CEL: variants seen among roughly 807,000 people sequenced by gnomAD.
CEL encodes the protein bile salt-activated lipase.
CEL carries 39 observed loss-of-function variants against 57.1 expected under a neutral mutation model. The ratio of observed to expected loss-of-function variants is 0.68; its 90% confidence interval spans 0.53 to 0.89. The LOEUF is 0.89. CEL is among the 40% of genes least tolerant of loss of function. The pLI, the probability that CEL is intolerant of heterozygous loss-of-function variation, is 0.00. For synonymous variants in CEL, 314 were observed against 396.6 expected (o/e 0.79, Z 2.48); for missense variants, 698 against 915.0 (o/e 0.76, Z 3.06).
chr9:133,071,698 G>T lies in CEL; in HGVS notation c.2196G>T (p.Glu732Asp), dbSNP rs780310748. 1.1e-5 allele frequency: 17 copies of T among 1,610,662 alleles called. No individual in the cohort carries two copies. In the South Asian group the frequency reaches 1.9e-4, roughly 18 times the overall value. The change falls in exon 11 of 11, where the codon GAG (glutamate) becomes GAT (aspartate). Residue 732 changes from glutamate (E) to aspartate (D), a missense_variant. Around this residue, in one of 6 missense-constraint regions of CEL, gnomAD observed 238 missense variants for 213.7 expected, o/e 1.11. Coordinates refer to ENST00000372080, the MANE Select transcript of CEL (RefSeq NM_001807.6). The part of the protein sequence containing the change: ...APPVPPTGDS[E>D]AAPVPPTDDS... ...CTGTGCCCCCCACGGGTGACTCTGA[G>T]GCTGCCCCTGTGCCCCCCACAGATG... is the stretch of plus-strand genomic sequence containing the variant.
At chr9:133,065,996 C>T (rs1306373917) in intron 4 of CEL, among the ~76,000 whole-genome samples, 5 of 152,090 alleles carry the variant, frequency 3.3e-5, no homozygotes, top group Non-Finnish European at 5.9e-5. Flanking sequence ...CCAGCCTGGG[C>T]GACAGAGTGA....
In CEL at chr9:133,065,137, C is replaced by A. The variant is rs200010111; in HGVS notation, c.438C>A (p.Asp146Glu). The change falls in exon 4 of 11, where the codon GAC becomes GAA. Residue 146 changes from aspartate (D) to glutamate (E), a missense_variant. Around this residue, in one of 6 missense-constraint regions of CEL, gnomAD observed 327 missense variants for 374.1 expected, o/e 0.87. Transcript: ENST00000372080. The stretch of plus-strand genomic sequence containing the variant: ...ACTTCCTCAACAACTACCTGTATGA[C>A]GGCGAGGAGATCGCCACACGCGGAA... ...GANFLNNYLY[D>E]GEEIATRGNV... 3 of 1,613,982 alleles carry A rather than the reference C, an allele frequency of 1.9e-6. No homozygotes were observed. The highest frequency in any genetic ancestry group is 2.5e-6 in the Non-Finnish European group (3 of 1,180,038).
rs775462755 is a variant in CEL, at chr9:133,071,547, C to T, written c.2045C>T (p.Pro682Leu). ...PTGDAGPPPVPPTGDSGAPPV... is the reference protein window; with the variant it reads ...PTGDAGPPPVLPTGDSGAPPV... ...GGTGACGCCGGGCCCCCCCCCGTGC[C>T]GCCCACGGGTGACTCCGGCGCCCCC... The change falls in exon 11 of 11, where the codon CCG becomes CTG. Residue 682 changes from proline to leucine, a missense_variant. By Grantham distance (98) the Pro-to-Leu change is moderately conservative. This residue lies in a region of CEL where 238 missense variants were observed against 213.7 expected (regional missense o/e 1.11). Transcript: ENST00000372080. 2.2e-5 allele frequency: 19 copies of T among 873,492 alleles called. 1 individual carries two copies. The highest frequency in any genetic ancestry group is 7.9e-5 in the South Asian group (5 of 63,128). The allele number at this position is 873,492 out of a possible 1,614,324, so 54.1% of individuals were successfully genotyped here.
rs1830265395 is a variant in CEL at position 133,071,318 on chromosome 9, C to A, written c.1816C>A (p.Pro606Thr). ...TGACTCCGGGGCCCCCCCCGTGCCGCCCACGGGTGACTCCGGGGCCCCCCC... is the reference window on the plus strand; with the variant it reads ...TGACTCCGGGGCCCCCCCCGTGCCGACCACGGGTGACTCCGGGGCCCCCCC... ...TGDSGAPPVP[P>T]TGDSGAPPVP... Residue 606 changes from proline (P) to threonine (T), a missense_variant, in exon 11 of 11, where the codon CCC becomes ACC. Pro to Thr is a conservative substitution (Grantham distance 38, BLOSUM62 -1). Transcript: ENST00000372080. The A allele has an allele frequency of 6.5e-6, 3 of 459,706 alleles. No individual in the cohort carries two copies. The highest frequency in any genetic ancestry group is 1.1e-5 in the Non-Finnish European group (3 of 268,040). The allele number at this position is 459,706 out of a possible 1,614,324, so 28.5% of individuals were successfully genotyped here.
In CEL at chr9:133,071,619, C is replaced by T. The variant is rs763759598; in HGVS notation, c.2117C>T (p.Thr706Met). 13 of 1,479,500 alleles carry T rather than the reference C, an allele frequency of 8.8e-6. 1 individual carries two copies. Among genetic ancestry groups the T allele is most frequent in the South Asian group, 1.2e-5 (1 of 85,352 alleles). 91.6% of individuals were successfully genotyped at this position (1,479,500 alleles called of 1,614,324 possible). The change falls in exon 11 of 11, where the codon ACG becomes ATG. Residue 706 changes from threonine (T) to methionine (M), a missense_variant. Around this residue, in one of 6 missense-constraint regions of CEL, gnomAD observed 238 missense variants for 213.7 expected, o/e 1.11. Coordinates refer to ENST00000372080, the MANE Select transcript of CEL (RefSeq NM_001807.6). The stretch of plus-strand genomic sequence containing the variant: ...TCCGGGGCCCCCCCCGTGACCCCCA[C>T]GGGTGACTCCGAGACCGCCCCCGTG... ...GDSGAPPVTP[T>M]GDSETAPVPP...
chr9:133,071,336 G>C lies in CEL; in HGVS notation c.1834G>C (p.Ala612Pro), dbSNP rs1322454680. The change falls in exon 11 of 11, where the codon GCC (alanine) becomes CCC (proline). Residue 612 changes from alanine (A) to proline (P), a missense_variant. Ala to Pro is a conservative substitution (Grantham distance 27). Coordinates refer to ENST00000372080, the MANE Select transcript of CEL (RefSeq NM_001807.6). Reference protein sequence around the residue: ...PPVPPTGDSGAPPVPPTGDSG... With the variant: ...PPVPPTGDSGPPPVPPTGDSG... ...CGTGCCGCCCACGGGTGACTCCGGG[G>C]CCCCCCCCGTGCCGCCCACGGGTGA... 729 of 349,150 alleles carry C rather than the reference G, an allele frequency of 2.1e-3. 1 individual carries two copies. The highest frequency in any genetic ancestry group is 2.9e-3 in the African/African-American group (27 of 9,460). 21.6% of individuals were successfully genotyped at this position (349,150 alleles called of 1,614,324 possible). A position where few individuals can be genotyped will look rare whatever the true frequency, so the allele number is the denominator to read the frequency against.
chr9:133,066,606 C>T lies in CEL; in HGVS notation c.615C>T (p.Pro205=). The T allele has an allele frequency of 2.5e-6, 4 of 1,613,922 alleles. No individual in the cohort carries two copies. Among genetic ancestry groups the T allele is most frequent in the Non-Finnish European group, 3.4e-6 (4 of 1,180,032 alleles). The part of the protein sequence containing the change: ...KRNIAAFGGD[P]NNITLFGESA... ...ATATCGCGGCCTTCGGGGGGGACCC[C>T]AACAACATCACGCTCTTCGGGGAGT... The change falls in exon 5 of 11, where the codon CCC becomes CCT. Residue 205 remains proline, a synonymous_variant. Coordinates refer to ENST00000372080, the MANE Select transcript of CEL (RefSeq NM_001807.6). This position sits in a 1 kb window ranked among gnomAD's most constrained non-coding sequence, Gnocchi z 4.3.
intron 1 of CEL, 84 bp downstream of exon 1, chr9:133,062,152 C>CAGCA (rs1830101434): frequency 7.3e-7 from 1 of 1,374,118 alleles, no homozygotes; most frequent in Admixed American, 2.2e-5. Flanking sequence ...AGAAAGAGCC[C>CAGCA]AGCACAGCCC....
In CEL at chr9:133,070,491, C is replaced by T. The variant is rs1214711936; in HGVS notation, c.1317C>T (p.Ser439=). The change falls in exon 10 of 11, where the codon TCC becomes TCT. Residue 439 remains serine (S), a synonymous_variant. Coordinates refer to ENST00000372080, the MANE Select transcript of CEL (RefSeq NM_001807.6). The part of the protein sequence containing the change: ...KSAKTYAYLF[S]HPSRMPVYPK... ...CCAAGACCTACGCCTACCTGTTTTC[C>T]CATCCCTCTCGGATGCCCGTCTACC... The T allele has an allele frequency of 6.2e-7, 1 of 1,613,744 alleles. No individual in the cohort carries two copies. The highest frequency in any genetic ancestry group is 8.5e-7 in the Non-Finnish European group (1 of 1,179,970).
chr9:133,064,692 C>A lies in CEL; in HGVS notation c.270C>A (p.Thr90=). Residue 90 remains threonine (T), a synonymous_variant, in exon 3 of 11, where the codon ACC becomes ACA. Coordinates refer to ENST00000372080, the MANE Select transcript of CEL (RefSeq NM_001807.6). ...FKKRCLQATI[T]QDSTYGDEDC... is the part of the protein sequence containing the mutation. ...AGAGATGCCTGCAGGCCACCATCACCCAGGACAGCACCTACGGGGATGAAG... is the reference window on the plus strand; with the variant it reads ...AGAGATGCCTGCAGGCCACCATCACACAGGACAGCACCTACGGGGATGAAG... The A allele has an allele frequency of 6.2e-7, 1 of 1,614,140 alleles. No individual in the cohort carries two copies.
chr9:133,064,099 G>A (rs546478364), intron 1 of CEL, among the ~76,000 whole-genome samples: 3 of 152,280 alleles, frequency 2.0e-5, no homozygotes, highest in South Asian at 2.1e-4. Context: ...AAAGCTGGGC[G>A]GCCATAGCCA....
At chr9:133,065,006 G>T in intron 3 of CEL, 34 bp from the exon 4 acceptor site, 1 of 1,588,996 alleles carries the variant, frequency 6.3e-7, no homozygotes, top group Non-Finnish European at 8.6e-7. Flanking sequence ...GCCAGGCGGG[G>T]CGTCTGGGGT....
At chr9:133,063,925 AC>A (rs1354950440) in intron 1 of CEL, among the ~76,000 whole-genome samples, 5 of 151,954 alleles carry the variant, frequency 3.3e-5, no homozygotes, top group Non-Finnish European at 7.4e-5. Context: ...AGCAGGCCCC[AC>A]CCCTCAGAAA....
intron 1 of CEL, among the ~76,000 whole-genome samples, chr9:133,063,768 C>A (rs1285171643): frequency 1.3e-5 from 2 of 151,812 alleles, no homozygotes; most frequent in African/African-American, 4.8e-5. Context: ...TTTCATGGCA[C>A]AGGGAAGCGT....
chr9:133,062,584 ACT>A (rs1276001849), intron 1 of CEL, among the ~76,000 whole-genome samples: 1 of 141,112 alleles, frequency 7.1e-6, no homozygotes, highest in Admixed American at 7.0e-5. Context: ...ACAGGGCGAG[ACT>A]CTGTCTCAAA....
chr9:133,067,158 C>T lies in CEL; in HGVS notation c.848C>T (p.Pro283Leu), dbSNP rs1830192461. The change falls in exon 7 of 11, where the codon CCC becomes CTC. Residue 283 changes from proline to leucine, a missense_variant. By Grantham distance (98) the Pro-to-Leu change is moderately conservative. Around this residue, in one of 6 missense-constraint regions of CEL, gnomAD observed 327 missense variants for 374.1 expected, o/e 0.87. Transcript: ENST00000372080. ...RMAQCLKVTD[P>L]RALTLAYKVP... is the part of the protein sequence containing the mutation. ...GCCCAGTGTCTGAAGGTTACTGATC[C>T]CCGAGCCCTGACGCTGGCCTATAAG... 1 of 1,613,990 alleles carries T rather than the reference C, an allele frequency of 6.2e-7. No homozygotes were observed. Among genetic ancestry groups the T allele is most frequent in the Non-Finnish European group, 8.5e-7 (1 of 1,179,982 alleles).
At position 133,066,327 on chromosome 9, in the gene CEL, C is replaced by T. The variant is rs529600321; in HGVS notation, c.539-203C>T. On this transcript the variant is annotated intron_variant, in intron 4 of 10. Coordinates refer to ENST00000372080, the MANE Select transcript of CEL (RefSeq NM_001807.6). This position sits in a 1 kb window ranked among gnomAD's most constrained non-coding sequence, Gnocchi z 4.3. ...GGGACCCACCCACTCCAGCAACCAA[C>T]GTGACCTAGTCTCCTGGGGACCCAC... is the stretch of plus-strand genomic sequence containing the variant. Among the ~76,000 whole-genome samples the T allele has an allele frequency of 2.6e-5, 4 of 151,838 alleles. No individual in the cohort carries two copies. Among genetic ancestry groups the T allele is most frequent in the Non-Finnish European group, 5.9e-5 (4 of 67,920 alleles).
Position 133,065,163 on chromosome 9 carries a change from A to G in CEL, c.464A>G (p.Asn155Ser), listed in dbSNP as rs764476938. ...GGCGAGGAGATCGCCACACGCGGAA[A>G]CGTCATCGTGGTCACCTTCAACTAC... ...YDGEEIATRG[N>S]VIVVTFNYRV... Residue 155 changes from asparagine to serine, a missense_variant, in exon 4 of 11, where the codon AAC (asparagine) becomes AGC (serine). Around this residue, in one of 6 missense-constraint regions of CEL, gnomAD observed 327 missense variants for 374.1 expected, o/e 0.87. Coordinates refer to ENST00000372080, the MANE Select transcript of CEL (RefSeq NM_001807.6). 6.2e-7 allele frequency: 1 copy of G among 1,613,614 alleles called. No individual in the cohort carries two copies. The highest frequency in any genetic ancestry group is 2.2e-5 in the East Asian group (1 of 44,894).
chr9:133,064,312 T>C, intron 1 of CEL, 92 bp from the exon 2 acceptor site: 1 of 1,567,496 alleles, frequency 6.4e-7, no homozygotes. Context: ...TGTCTTTGCC[T>C]CTGGGCACGC....
Sources: allele counts gnomAD v4.1 joint callset (sites outside exome capture counted in the v4.1 genomes callset), GRCh38; gene constraint gnomAD v4.1.1; regional missense constraint gnomAD v4.1.1; non-coding constraint Gnocchi (gnomAD v3.1); transcripts MANE v1.5; gene names NCBI Gene and HGNC (gene_info 2026-07-23, HGNC 2026-07-21).